The following ARSB variants were observed in gnomAD, a reference collection of about 807,000 sequenced individuals.
The protein encoded by ARSB is N-acetylgalactosamine-4-sulfatase.
Under a neutral mutation model 50.9 loss-of-function variants are expected in ARSB, and 41 were observed. The observed-to-expected ratio is 0.81, with a 90% confidence interval of 0.63 to 1.04. The LOEUF (loss-of-function observed/expected upper bound fraction) is 1.04. Among genes scored for constraint, ARSB ranks in the 50% least tolerant of loss-of-function variants. ARSB has a pLI of 0.00. For missense variants in ARSB, 672 were observed against 693.3 expected, an observed-to-expected ratio of 0.97 and a Z score of 0.35; for synonymous variants, 269 against 284.8, an observed-to-expected ratio of 0.94 and a Z score of 0.56.
chr5:78,947,890 C>A (rs1289415329), intron 4 of ARSB, among the ~76,000 whole-genome samples: 1 of 152,184 alleles, frequency 6.6e-6, no homozygotes, highest in Non-Finnish European at 1.5e-5. Flanking sequence ...CCTAAGTGTC[C>A]ATCAACAGAT....
At chr5:78,800,146 C>G (rs1446046175) in intron 6 of ARSB, among the ~76,000 whole-genome samples, 1 of 152,018 alleles carries the variant, frequency 6.6e-6, no homozygotes, top group Non-Finnish European at 1.5e-5. Flanking sequence ...GGTAAAACCC[C>G]ATTTCTACTA....
At chr5:78,914,230 G>T (rs959148313) in intron 4 of ARSB, among the ~76,000 whole-genome samples, 1 of 152,026 alleles carries the variant, frequency 6.6e-6, no homozygotes, top group African/African-American at 2.4e-5. Context: ...CTCCCAAAGT[G>T]CTGGGATTAC....
At chr5:78,940,558 T>G (rs1328700121) in intron 4 of ARSB, among the ~76,000 whole-genome samples, 1 of 152,244 alleles carries the variant, frequency 6.6e-6, no homozygotes, top group African/African-American at 2.4e-5. Flanking sequence ...TCCCCATTTC[T>G]TGTTTCTGTC....
At chr5:78,854,243 C>T (rs1746027919) in intron 5 of ARSB, among the ~76,000 whole-genome samples, 1 of 152,170 alleles carries the variant, frequency 6.6e-6, no homozygotes, top group South Asian at 2.1e-4. Flanking sequence ...CTGCTTTCAT[C>T]ATTATTTCTT....
At position 78,984,982 on chromosome 5, in the gene ARSB, C is replaced by T. The variant is rs573453966; in HGVS notation, c.267G>A (p.Pro89=). The T allele has an allele frequency of 6.6e-7, 1 of 1,521,540 alleles. No homozygotes were observed. Among genetic ancestry groups the T allele is most frequent in the South Asian group, 1.2e-5 (1 of 80,502 alleles). 94.3% of individuals were successfully genotyped at this position (1,521,540 alleles called of 1,614,324 possible). Reference sequence around the variant, plus strand: ...GCTGGCTCCGCGACGGCGTGCACAGCGGCTGCGTGTAGTAGTTGTCCAGGA... The same window carrying T: ...GCTGGCTCCGCGACGGCGTGCACAGTGGCTGCGTGTAGTAGTTGTCCAGGA... ...GVLLDNYYTQ[P]LCTPSRSQLL... Residue 89 remains proline (P), a synonymous_variant, in exon 1 of 8, where the codon CCG becomes CCA. Coordinates refer to ENST00000264914, the MANE Select transcript of ARSB (RefSeq NM_000046.5).
chr5:78,795,688 A>G (rs1743153427), intron 6 of ARSB, among the ~76,000 whole-genome samples: 1 of 152,244 alleles, frequency 6.6e-6, no homozygotes, highest in Admixed American at 6.5e-5. Context: ...TATGCCAGAC[A>G]TGAAGCTAAT....
intron 4 of ARSB, among the ~76,000 whole-genome samples, chr5:78,926,536 T>A (rs1318769762): frequency 6.6e-6 from 1 of 152,208 alleles, no homozygotes; most frequent in Non-Finnish European, 1.5e-5. Flanking sequence ...ATACCCTTAT[T>A]TCAAAGATGA....
chr5:78,967,158 A>G (rs1375686889), intron 2 of ARSB, among the ~76,000 whole-genome samples: 2 of 152,182 alleles, frequency 1.3e-5, no homozygotes, highest in Non-Finnish European at 2.9e-5. Context: ...AGAAGAAAAT[A>G]CCTCAAAACA....
chr5:78,917,702 G>A (rs1749623311), intron 4 of ARSB, among the ~76,000 whole-genome samples: 2 of 152,074 alleles, frequency 1.3e-5, no homozygotes, highest in Non-Finnish European at 2.9e-5. Flanking sequence ...CAGTAAAGAC[G>A]AGGTTTTGCC....
chr5:78,897,424 T>C lies in ARSB; in HGVS notation c.899-11597A>G, dbSNP rs140576270. Among the ~76,000 whole-genome samples the C allele has an allele frequency of 2.8e-3, 426 of 152,302 alleles. 1 individual carries two copies. The highest frequency in any genetic ancestry group is 9.9e-3 in the African/African-American group (411 of 41,552). ...CCAGAGATAGGTAGTGACCTCTCTTTCAAGAGGCTTCACAGGTTAGCACTC... is the reference window on the plus strand; with the variant it reads ...CCAGAGATAGGTAGTGACCTCTCTTCCAAGAGGCTTCACAGGTTAGCACTC... On this transcript the variant is annotated intron_variant, in intron 4 of 7. Transcript: ENST00000264914.
intron 3 of ARSB, among the ~76,000 whole-genome samples, chr5:78,963,146 G>C (rs1752065081): frequency 6.6e-6 from 1 of 152,092 alleles, no homozygotes; most frequent in Non-Finnish European, 1.5e-5. Flanking sequence ...TTCCTGAGAG[G>C]GCTGGTTGTT....
At chr5:78,935,645 T>C (rs1263601875) in intron 4 of ARSB, among the ~76,000 whole-genome samples, 2 of 152,100 alleles carry the variant, frequency 1.3e-5, no homozygotes, top group Non-Finnish European at 2.9e-5. Flanking sequence ...CTAGAAATGG[T>C]TTAATCTCTA....
At chr5:78,811,454 A>G (rs57863427) in intron 6 of ARSB, among the ~76,000 whole-genome samples, 1,852 of 152,332 alleles carry the variant, frequency 0.012, 34 homozygotes, top group African/African-American at 0.042. Flanking sequence ...GGAGGCCACA[A>G]AAGAGTTAAT....
chr5:78,805,044 T>C (rs939587591), intron 6 of ARSB, among the ~76,000 whole-genome samples: 48 of 152,224 alleles, frequency 3.2e-4, no homozygotes, highest in African/African-American at 1.1e-3. Context: ...ATACTGTTTC[T>C]TACAAGTGGG....
chr5:78,980,744 G>GTGTGTGTGTGTA (rs57536545), intron 1 of ARSB, among the ~76,000 whole-genome samples: 42,137 of 151,464 alleles, frequency 0.28, 6,782 homozygotes, highest in Admixed American at 0.39. Flanking sequence ...ATGTGTGTGT[G>GTGTGTGTGTGTA]TGTGTGTGTG....
chr5:78,949,925 A>G (rs337864), intron 4 of ARSB, among the ~76,000 whole-genome samples: 80,066 of 151,994 alleles, frequency 0.53, 21,146 homozygotes, highest in East Asian at 0.67. Context: ...AAACAAAACA[A>G]ACAAAAAAAA....
chr5:78,793,346 T>C (rs1407094127), intron 6 of ARSB, among the ~76,000 whole-genome samples: 1 of 152,160 alleles, frequency 6.6e-6, no homozygotes, highest in Non-Finnish European at 1.5e-5. Context: ...CAACTCCCAC[T>C]CCTTAGAAGA....
Position 78,780,659 on chromosome 5 carries a change from C to G in ARSB, c.1340G>C (p.Cys447Ser), listed in dbSNP as rs1465993279. The G allele has an allele frequency of 1.9e-6, 3 of 1,613,956 alleles. No individual in the cohort carries two copies. Among genetic ancestry groups the G allele is most frequent in the Non-Finnish European group, 2.5e-6 (3 of 1,179,996 alleles). Residue 447 changes from cysteine to serine, a missense_variant, in exon 8 of 8, where the codon TGT (cysteine) becomes TCT (serine). Physicochemically the swap from Cys to Ser is moderately radical, Grantham distance 112. Coordinates refer to ENST00000264914, the MANE Select transcript of ARSB (RefSeq NM_000046.5). ...NWKLLTGYPG[C>S]GYWFPPPSQY... ...AGACGGTGGAGGGAACCAGTAACCA[C>G]AGCCTAGCAAAGAAAACAAAACAGT...
intron 2 of ARSB, among the ~76,000 whole-genome samples, chr5:78,966,524 C>G (rs573680593): frequency 6.6e-6 from 1 of 152,298 alleles, no homozygotes; most frequent in Non-Finnish European, 1.5e-5. Context: ...CCACCATCAC[C>G]TGATTTTTAG....
Sources: allele counts gnomAD v4.1 joint callset (sites outside exome capture counted in the v4.1 genomes callset), GRCh38; gene constraint gnomAD v4.1.1; transcripts MANE v1.5; gene names NCBI Gene and HGNC (gene_info 2026-07-23, HGNC 2026-07-21).